ZNF563: variants seen among roughly 807,000 people sequenced by gnomAD.
ZNF563 encodes the protein zinc finger protein 563.
Under a neutral mutation model 48.5 loss-of-function variants are expected in ZNF563, and 39 were observed. The ratio of observed to expected loss-of-function variants is 0.80; its 90% CI spans 0.62 to 1.05. The LOEUF (loss-of-function observed/expected upper bound fraction) is 1.05, where lower values mean the gene tolerates loss of function less well. Ranked by LOEUF, ZNF563 falls within the 50% of genes least tolerant of loss-of-function variation. The probability of loss-of-function intolerance (pLI) is 0.00; values close to 1 mark genes in which losing one functional copy is unlikely to be tolerated. For synonymous variants in ZNF563, 168 were observed against 187.9 expected, an observed-to-expected ratio of 0.89 and a Z score of 0.87; for missense variants, 538 against 597.0, an observed-to-expected ratio of 0.90 and a Z score of 1.03.
At chr19:12,331,464 A>G (rs1968916828) in intron 1 of ZNF563, among the ~76,000 whole-genome samples, 1 of 152,162 alleles carries the variant, frequency 6.6e-6, no homozygotes, top group Non-Finnish European at 1.5e-5. Context: ...TTCTTGCTTC[A>G]CTAGTCTAAC....
chr19:12,326,076 T>A (rs1186825760), intron 1 of ZNF563, among the ~76,000 whole-genome samples: 1 of 152,120 alleles, frequency 6.6e-6, no homozygotes, highest in Admixed American at 6.6e-5. Flanking sequence ...AAAATATGGC[T>A]CATCAATGGA....
chr19:12,341,316 T>G, the ZNF563 span, among the ~76,000 whole-genome samples: 1 of 152,224 alleles, frequency 6.6e-6, no homozygotes, highest in Admixed American at 6.5e-5. Context: ...CCTCCCAAAG[T>G]GCTTGGATTA....
At chr19:12,325,823 C>A (rs1469492955) in intron 1 of ZNF563, among the ~76,000 whole-genome samples, 1 of 152,184 alleles carries the variant, frequency 6.6e-6, no homozygotes, top group Non-Finnish European at 1.5e-5. Context: ...TAGCTTGTAG[C>A]ATTCAGGAAA....
chr19:12,326,861 T>G (rs368173194), intron 1 of ZNF563, among the ~76,000 whole-genome samples: 24 of 152,332 alleles, frequency 1.6e-4, no homozygotes, highest in African/African-American at 5.8e-4. Flanking sequence ...TTTCTTATAC[T>G]TTCTTGATCT....
chr19:12,324,816 C>T (rs1316813650), intron 1 of ZNF563: 1 of 151,430 alleles, frequency 6.6e-6, no homozygotes, highest in African/African-American at 2.4e-5. Context: ...TTCAGCACCC[C>T]ATACCATTAA....
At chr19:12,343,479 T>G in the ZNF563 span, among the ~76,000 whole-genome samples, 3 of 152,062 alleles carry the variant, frequency 2.0e-5, no homozygotes, top group East Asian at 5.8e-4. Context: ...CTTTAATATT[T>G]TTTAAAAGGC....
the ZNF563 span, among the ~76,000 whole-genome samples, chr19:12,339,653 G>A: frequency 2.0e-5 from 3 of 152,112 alleles, no homozygotes; most frequent in East Asian, 1.9e-4. Context: ...GGAATTAGGT[G>A]TAGCAGTCAG....
At chr19:12,333,669 G>A (rs1210150136), upstream of ZNF563, 1 of 853,724 alleles carries the variant, frequency 1.2e-6, no homozygotes, top group Non-Finnish European at 1.7e-6. Context: ...TGAAGACGCC[G>A]CGGGCTCTTT....
At chr19:12,344,804 T>C in the ZNF563 span, among the ~76,000 whole-genome samples, 2 of 152,192 alleles carry the variant, frequency 1.3e-5, no homozygotes, top group African/African-American at 4.8e-5. Flanking sequence ...CATGATTCTA[T>C]GTGGAGAAAA....
At position 12,318,429 on chromosome 19, in the gene ZNF563, T is replaced by C. The variant is rs1968488699; in HGVS notation, c.*165A>G. The C allele has an allele frequency of 3.7e-6, 3 of 804,666 alleles. No individual in the cohort carries two copies. In the Admixed American group the frequency reaches 9.0e-5, roughly 24 times the overall value. 49.8% of individuals were successfully genotyped at this position (804,666 alleles called of 1,614,324 possible). On this transcript the variant is annotated 3_prime_UTR_variant, in exon 4 of 4. Coordinates refer to ENST00000293725, the MANE Select transcript of ZNF563 (RefSeq NM_145276.3). ...ATCGATCACTTTCCCACATTCCTTA[T>C]ATCATACAGCATCTCTCCAGTGTGA...
At chr19:12,346,127 T>C in the ZNF563 span, 1 of 152,070 alleles carries the variant, frequency 6.6e-6, no homozygotes, top group Non-Finnish European at 1.5e-5. Flanking sequence ...AAGGGCTTAA[T>C]ACCCACAGTG....
intron 1 of ZNF563, among the ~76,000 whole-genome samples, chr19:12,329,938 G>C: frequency 7.3e-6 from 1 of 136,576 alleles, no homozygotes; most frequent in East Asian, 2.1e-4. Flanking sequence ...TTTTTTTTTT[G>C]AGACGGAGTT....
chr19:12,319,598 G>T lies in ZNF563; in HGVS notation c.427C>A (p.His143Asn), dbSNP rs746590479. The T allele has an allele frequency of 6.2e-7, 1 of 1,614,198 alleles. No individual in the cohort carries two copies. Among genetic ancestry groups the T allele is most frequent in the Non-Finnish European group, 8.5e-7 (1 of 1,180,046 alleles). The change falls in exon 4 of 4, where the codon CAT becomes AAT. Residue 143 changes from histidine (H) to asparagine (N), a missense_variant. By Grantham distance (68) the His-to-Asn change is moderately conservative. Transcript: ENST00000293725. ...YQEYGEKPHT[H>N]KQRGKAFSYH... The stretch of plus-strand genomic sequence containing the variant: ...CTGAAGGCTTTCCCACGTTGTTTAT[G>T]TGTATGTGGCTTCTCTCCATATTCC...
At position 12,318,459 on chromosome 19, in the gene ZNF563, T is replaced by G. The variant is rs1968489505; in HGVS notation, c.*135A>C. ...TACAGCATCTCTCCAGTGTGAGATA[T>G]TTCATGATTTTGAAAGGAATAAAAA... is the stretch of plus-strand genomic sequence containing the variant. On this transcript the variant is annotated 3_prime_UTR_variant, in exon 4 of 4. Coordinates refer to ENST00000293725, the MANE Select transcript of ZNF563 (RefSeq NM_145276.3). The G allele has an allele frequency of 5.0e-6, 5 of 1,004,078 alleles. No homozygotes were observed. Among genetic ancestry groups the G allele is most frequent in the Non-Finnish European group, 7.2e-6 (5 of 695,358 alleles). 62.2% of individuals were successfully genotyped at this position (1,004,078 alleles called of 1,614,324 possible). A position where few individuals can be genotyped will look rare whatever the true frequency, so the allele number is the denominator to read the frequency against.
intron 1 of ZNF563, among the ~76,000 whole-genome samples, chr19:12,327,242 A>G (rs1469930580): frequency 2.6e-5 from 4 of 152,142 alleles, no homozygotes; most frequent in Non-Finnish European, 5.9e-5. Flanking sequence ...CAGGTGGATC[A>G]CAAGGTCAGG....
chr19:12,339,311 G>C, the ZNF563 span, among the ~76,000 whole-genome samples: 1 of 122,608 alleles, frequency 8.2e-6, no homozygotes, highest in Non-Finnish European at 1.6e-5. Context: ...ATGGAGTCTC[G>C]CTCTGTCACC....
chr19:12,337,287 C>T (rs576992113), upstream of ZNF563, among the ~76,000 whole-genome samples: 203 of 152,288 alleles, frequency 1.3e-3, no homozygotes, highest in Non-Finnish European at 2.7e-3. Context: ...ACTGCAGCCT[C>T]AACCTCCTGG....
Position 12,327,414 on chromosome 19 carries a change from C to T in ZNF563, c.4-4703G>A, listed in dbSNP as rs367723205. 6.9e-5 allele frequency among the ~76,000 whole-genome samples: 10 copies of T among 145,468 alleles called. No individual in the cohort carries two copies. In the East Asian group the frequency reaches 8.1e-4, roughly 12 times the overall value. On this transcript the variant is annotated intron_variant, in intron 1 of 3. Transcript: ENST00000293725. ...GACGGAGATTGCAGTGAGCCAAGAT[C>T]GTGCCACTGCATTCCAGCCTGGGCG...
At chr19:12,340,256 C>T in the ZNF563 span, among the ~76,000 whole-genome samples, 9 of 152,170 alleles carry the variant, frequency 5.9e-5, no homozygotes, top group Admixed American at 2.0e-4. Context: ...ATCACTTGAA[C>T]CCATGAGGCG....
Sources: allele counts gnomAD v4.1 joint callset (sites outside exome capture counted in the v4.1 genomes callset), GRCh38; gene constraint gnomAD v4.1.1; transcripts MANE v1.5; gene names NCBI Gene and HGNC (gene_info 2026-07-23, HGNC 2026-07-21).